NOL4L: variants seen among roughly 807,000 people sequenced by gnomAD.
NOL4L encodes nucleolar protein 4-like.
A neutral mutation model predicts 64.5 loss-of-function variants in NOL4L; 7 were observed. The ratio of observed to expected loss-of-function variants is 0.11; its 90% CI spans 0.06 to 0.20. NOL4L has a LOEUF of 0.20. Among genes scored for constraint, NOL4L ranks in the 10% least tolerant of loss-of-function variants. The probability of loss-of-function intolerance (pLI) is 1.00; values close to 1 mark genes in which losing one functional copy is unlikely to be tolerated. For missense variants in NOL4L, 680 were observed against 967.1 expected, an observed-to-expected ratio of 0.70 and a Z score of 3.94; for synonymous variants, 413 against 401.0, an observed-to-expected ratio of 1.03 and a Z score of -0.36.
At chr20:32,458,239 C>T (rs2013736101) in intron 5 of NOL4L, among the ~76,000 whole-genome samples, 1 of 152,224 alleles carries the variant, frequency 6.6e-6, no homozygotes, top group African/African-American at 2.4e-5. Context: ...CCTCTGCAGT[C>T]CCCCAGCCCA....
chr20:32,557,236 G>A (rs1191686968), intron 1 of NOL4L, among the ~76,000 whole-genome samples: 2 of 152,214 alleles, frequency 1.3e-5, no homozygotes, highest in East Asian at 1.9e-4. Context: ...CCCCGCTACC[G>A]TCCTGCCCTT....
intron 4 of NOL4L, among the ~76,000 whole-genome samples, chr20:32,488,848 T>C (rs1220730514): frequency 2.1e-5 from 2 of 95,236 alleles, no homozygotes; most frequent in African/African-American, 6.8e-5. Context: ...TCTTTCTTTC[T>C]TTCTTTCTTT....
At chr20:32,490,858 C>T (rs186065362) in intron 4 of NOL4L, among the ~76,000 whole-genome samples, 52 of 152,350 alleles carry the variant, frequency 3.4e-4, no homozygotes, top group Non-Finnish European at 6.3e-4. Flanking sequence ...CCGGCGGAAT[C>T]GAGTTATAGC....
chr20:32,545,541 C>T (rs2018720205), intron 1 of NOL4L, among the ~76,000 whole-genome samples: 2 of 152,206 alleles, frequency 1.3e-5, no homozygotes, highest in South Asian at 4.1e-4. Context: ...ATCCAGCAAG[C>T]ATTTAGACCC....
At chr20:32,465,814 C>T (rs890213527) in intron 5 of NOL4L, among the ~76,000 whole-genome samples, 18 of 152,194 alleles carry the variant, frequency 1.2e-4, no homozygotes, top group Admixed American at 1.1e-3. Context: ...GGGAAAGTCA[C>T]CCTTGAACAG....
Position 32,456,278 on chromosome 20 carries a change from G to T in NOL4L, c.959C>A (p.Ala320Asp), listed in dbSNP as rs143368888. The change falls in exon 6 of 11, where the codon GCC becomes GAC. Residue 320 changes from alanine (A) to aspartate (D), a missense_variant. Ala to Asp is a moderately radical substitution (Grantham distance 126). Transcript: ENST00000621426. ...GGCGGCCGTGGTGAAGTCCATGGGGGCCACGGCGCCGTTGCCATTCATCTC... is the reference window on the plus strand; with the variant it reads ...GGCGGCCGTGGTGAAGTCCATGGGGTCCACGGCGCCGTTGCCATTCATCTC... ...FPEMNGNGAVAPMDFTTAAED... is the reference protein window; with the variant it reads ...FPEMNGNGAVDPMDFTTAAED... 6.3e-7 allele frequency: 1 copy of T among 1,588,226 alleles called. No individual in the cohort carries two copies. The highest frequency in any genetic ancestry group is 1.4e-5 in the African/African-American group (1 of 73,868).
intron 5 of NOL4L, among the ~76,000 whole-genome samples, chr20:32,473,616 A>G (rs1451929402): frequency 5.9e-5 from 9 of 152,288 alleles, no homozygotes; most frequent in Admixed American, 4.6e-4. Context: ...GCAGGCGCGC[A>G]GGTTCTGCCA....
At chr20:32,571,458 C>T (rs1201774970) in intron 1 of NOL4L, among the ~76,000 whole-genome samples, 2 of 152,216 alleles carry the variant, frequency 1.3e-5, no homozygotes, top group East Asian at 1.9e-4. Context: ...CCACTCACCT[C>T]GGCCTCCCAG....
At chr20:32,478,052 G>A (rs759703646) in intron 4 of NOL4L, among the ~76,000 whole-genome samples, 10 of 152,140 alleles carry the variant, frequency 6.6e-5, no homozygotes, top group Non-Finnish European at 1.3e-4. Context: ...ACTGCCCAGG[G>A]GCACGAAGCC....
chr20:32,532,285 A>T (rs1055766141), intron 1 of NOL4L: 4 of 900,892 alleles, frequency 4.4e-6, no homozygotes, highest in African/African-American at 3.6e-5. Context: ...AGCGACCAGA[A>T]CTCAAACCAC....
intron 5 of NOL4L, among the ~76,000 whole-genome samples, chr20:32,472,707 G>A (rs576688592): frequency 6.6e-6 from 1 of 151,912 alleles, no homozygotes; most frequent in East Asian, 1.9e-4. Context: ...CAGCTGCCTG[G>A]GCCTTCCCAA....
At chr20:32,569,122 G>A (rs745835512) in intron 1 of NOL4L, among the ~76,000 whole-genome samples, 2 of 152,140 alleles carry the variant, frequency 1.3e-5, no homozygotes, top group Non-Finnish European at 2.9e-5. Context: ...GGGCTCCAAA[G>A]TTAGTGTAAG....
intron 9 of NOL4L, 89 bp downstream of exon 9, chr20:32,452,795 A>T: frequency 6.4e-7 from 1 of 1,569,164 alleles, no homozygotes; most frequent in African/African-American, 1.3e-5. Flanking sequence ...GACTGTACCC[A>T]TCACAGCTCC....
intron 1 of NOL4L, among the ~76,000 whole-genome samples, chr20:32,570,965 T>A (rs1979715234): frequency 6.6e-6 from 1 of 152,130 alleles, no homozygotes; most frequent in Non-Finnish European, 1.5e-5. Flanking sequence ...ATGTAGAAAC[T>A]GAAGCACAGA....
chr20:32,526,083 G>A (rs1418082175), intron 2 of NOL4L, among the ~76,000 whole-genome samples: 1 of 151,962 alleles, frequency 6.6e-6, no homozygotes, highest in Non-Finnish European at 1.5e-5. Flanking sequence ...AAGAGAAGGG[G>A]TCTTGCTATG....
intron 4 of NOL4L, among the ~76,000 whole-genome samples, chr20:32,501,362 T>G (rs2016916312): frequency 6.6e-6 from 1 of 152,194 alleles, no homozygotes; most frequent in South Asian, 2.1e-4. Flanking sequence ...TCTGAGAAAC[T>G]GTCAAAGCCC....
At chr20:32,569,315 A>G (rs975174715) in intron 1 of NOL4L, among the ~76,000 whole-genome samples, 3 of 152,216 alleles carry the variant, frequency 2.0e-5, no homozygotes, top group African/African-American at 7.2e-5. Context: ...TGGGCCTTGC[A>G]GGTCATGGTG....
At position 32,453,816 on chromosome 20, in the gene NOL4L, C is replaced by T. The variant is rs545783701; in HGVS notation, c.1120-55G>A. The T allele has an allele frequency of 4.6e-6, 7 of 1,513,810 alleles. No homozygotes were observed. In the East Asian group the frequency reaches 1.7e-4, roughly 37 times the overall value. 93.8% of individuals were successfully genotyped at this position (1,513,810 alleles called of 1,614,324 possible). On this transcript the variant is annotated intron_variant, in intron 6 of 10. Transcript: ENST00000621426. The surrounding 1 kb of genome is among the most constrained non-coding windows in gnomAD (Gnocchi z 5.6). ...GGCCAAGCAGCTGCTCAAGCCCTTG[C>T]TGGGTCTCCTACAGGCGGTGAGCTT... is the stretch of plus-strand genomic sequence containing the variant.
intron 5 of NOL4L, among the ~76,000 whole-genome samples, chr20:32,465,308 A>T (rs2014449378): frequency 6.6e-6 from 1 of 151,716 alleles, no homozygotes; most frequent in Non-Finnish European, 1.5e-5. Flanking sequence ...GGAGGCGCCC[A>T]GACAGGCCCC....
Sources: allele counts gnomAD v4.1 joint callset (sites outside exome capture counted in the v4.1 genomes callset), GRCh38; gene constraint gnomAD v4.1.1; non-coding constraint Gnocchi (gnomAD v3.1); transcripts MANE v1.5; gene names NCBI Gene and HGNC (gene_info 2026-07-23, HGNC 2026-07-21).